The following CLK3 variants were observed in gnomAD, a reference collection of about 807,000 sequenced individuals.
CLK3 encodes the protein CDC like kinase 3.
CLK3 carries 24 observed loss-of-function variants against 65.2 expected under a neutral mutation model. The observed-to-expected ratio is 0.37, with a 90% CI of 0.27 to 0.52. The LOEUF (loss-of-function observed/expected upper bound fraction) is 0.52, where lower values mean the gene tolerates loss of function less well. CLK3 is among the 20% of genes least tolerant of loss of function. The pLI is 0.92. For missense variants in CLK3, 506 were observed against 660.0 expected, an observed-to-expected ratio of 0.77 and a Z score of 2.56; for synonymous variants, 252 against 240.8, an observed-to-expected ratio of 1.05 and a Z score of -0.43.
Position 74,619,181 on chromosome 15 carries a change from G to C in CLK3, c.1-16G>C. The C allele has an allele frequency of 1.2e-6, 2 of 1,613,340 alleles. No individual in the cohort carries two copies. The highest frequency in any genetic ancestry group is 1.7e-6 in the Non-Finnish European group (2 of 1,179,520). On this transcript the variant is annotated splice_polypyrimidine_tract_variant and intron_variant, in intron 1 of 12. Coordinates refer to ENST00000395066, the MANE Select transcript of CLK3 (RefSeq NM_001130028.2). ...GGCTGTGTGTTTAGCAGGGCTCTCT[G>C]TTCCTCGTGGCCTAGATGCATCACT...
In CLK3 at chr15:74,627,001, T is replaced by C. The variant is rs1252844539; in HGVS notation, c.818-351T>C. 3 of 476,574 alleles carry C rather than the reference T, an allele frequency of 6.3e-6. No individual in the cohort carries two copies. The highest frequency in any genetic ancestry group is 1.2e-5 in the Non-Finnish European group (3 of 241,656). The allele number at this position is 476,574 out of a possible 1,614,324, so 29.5% of individuals were successfully genotyped here. Reference sequence around the variant, plus strand: ...TCATTTTGCAAAGGGCCCTGCAAATTATGTAGCTGGTGCAGGGAAGAGGGA... The same window carrying C: ...TCATTTTGCAAAGGGCCCTGCAAATCATGTAGCTGGTGCAGGGAAGAGGGA... On this transcript the variant is annotated intron_variant, in intron 7 of 12. Transcript: ENST00000395066. The surrounding 1 kb of genome is among the most constrained non-coding windows in gnomAD (Gnocchi z 4.3).
chr15:74,628,182 G>A, intron 10 of CLK3, 130 bp downstream of exon 10: 2 of 706,526 alleles, frequency 2.8e-6, no homozygotes, highest in South Asian at 3.2e-5. Context: ...CATCATGTGA[G>A]ATTCAGACCC....
intron 2 of CLK3, 148 bp from the exon 3 acceptor site, chr15:74,619,861 C>A: frequency 1.5e-6 from 2 of 1,340,932 alleles, no homozygotes; most frequent in Non-Finnish European, 2.0e-6. Context: ...ACCTTTGCAC[C>A]CTCCCCTCTC....
chr15:74,629,852 C>G lies in CLK3; in HGVS notation c.1442C>G (p.Ser481Cys). The G allele has an allele frequency of 6.2e-7, 1 of 1,609,156 alleles. No homozygotes were observed. Among genetic ancestry groups the G allele is most frequent in the South Asian group, 1.1e-5 (1 of 90,370 alleles). ...FFAGLTPEER[S>C]FHTSRNPSR Reference sequence around the variant, plus strand: ...GCTGGCCTGACCCCTGAGGAGCGGTCCTTCCACACCAGCCGCAACCCAAGC... The same window carrying G: ...GCTGGCCTGACCCCTGAGGAGCGGTGCTTCCACACCAGCCGCAACCCAAGC... The change falls in exon 13 of 13, where the codon TCC (serine) becomes TGC (cysteine). Residue 481 changes from serine (S) to cysteine (C), a missense_variant. Physicochemically the swap from Ser to Cys is moderately radical, Grantham distance 112. Transcript: ENST00000395066.
chr15:74,609,625 C>G (rs2061961541), intron 1 of CLK3, among the ~76,000 whole-genome samples: 1 of 152,358 alleles, frequency 6.6e-6, no homozygotes, highest in East Asian at 1.9e-4. Flanking sequence ...AGCAACTGCT[C>G]CTGCAGACGG....
rs530100240 is a variant in CLK3 at position 74,619,952 on chromosome 15, C to T, written c.153-57C>T. On this transcript the variant is annotated intron_variant, in intron 2 of 12. Coordinates refer to ENST00000395066, the MANE Select transcript of CLK3 (RefSeq NM_001130028.2). ...TTTACAGTGGCCTTACCACAGGTCT[C>T]TTGCTTGCTAACAGCAAGGACCCAG... The T allele has an allele frequency of 1.2e-5, 20 of 1,610,448 alleles. No individual in the cohort carries two copies. The African/African-American group carries it at 1.9e-4, about 15-fold the overall frequency.
At chr15:74,628,821 T>C in intron 11 of CLK3, 121 bp from the exon 12 acceptor site, 1 of 998,188 alleles carries the variant, frequency 1.0e-6, no homozygotes, top group South Asian at 1.5e-5. Flanking sequence ...CTTCCCTGTG[T>C]GCCCCTGCAG....
rs756969145 is a variant in CLK3, at chr15:74,622,241, T to C, written c.466+25T>C. 4 of 1,599,514 alleles carry C rather than the reference T, an allele frequency of 2.5e-6. No individual in the cohort carries two copies. The highest frequency in any genetic ancestry group is 2.2e-5 in the South Asian group (2 of 90,610). Reference sequence around the variant, plus strand: ...TGTACAGCCACCTTTCGTAAAACTTTACCTCTCTACTTTCTACCCCCCTTG... The same window carrying C: ...TGTACAGCCACCTTTCGTAAAACTTCACCTCTCTACTTTCTACCCCCCTTG... On this transcript the variant is annotated intron_variant, in intron 4 of 12. Transcript: ENST00000395066. The surrounding 1 kb of genome is among the most constrained non-coding windows in gnomAD (Gnocchi z 4.6).
Position 74,621,792 on chromosome 15 carries a change from T to C in CLK3, c.370-328T>C. ...CGGGGCGATGGCTCTCCTCACAGCG[T>C]GGCCCTCAGCAGCAGAGGCAGGTCA... is the stretch of plus-strand genomic sequence containing the variant. On this transcript the variant is annotated intron_variant, in intron 3 of 12. Coordinates refer to ENST00000395066, the MANE Select transcript of CLK3 (RefSeq NM_001130028.2). The surrounding 1 kb of genome is among the most constrained non-coding windows in gnomAD (Gnocchi z 4.8). 2.7e-6 allele frequency: 1 copy of C among 375,328 alleles called. No homozygotes were observed. Among genetic ancestry groups the C allele is most frequent in the Non-Finnish European group, 5.2e-6 (1 of 190,536 alleles). The allele number at this position is 375,328 out of a possible 1,614,324, so 23.2% of individuals were successfully genotyped here.
Position 74,624,654 on chromosome 15 carries a change from C to G in CLK3, c.534-248C>G. On this transcript the variant is annotated intron_variant, in intron 5 of 12. Coordinates refer to ENST00000395066, the MANE Select transcript of CLK3 (RefSeq NM_001130028.2). This position sits in a 1 kb window ranked among gnomAD's most constrained non-coding sequence, Gnocchi z 4.2. ...ACACTCCTTTGGGAGCTGGCAGTGGCTGAGAACATAAAAGCCTAAGGATGG... is the reference window on the plus strand; with the variant it reads ...ACACTCCTTTGGGAGCTGGCAGTGGGTGAGAACATAAAAGCCTAAGGATGG... The G allele has an allele frequency of 1.8e-6, 1 of 556,326 alleles. No homozygotes were observed. The highest frequency in any genetic ancestry group is 3.2e-6 in the Non-Finnish European group (1 of 308,618). 34.5% of individuals were successfully genotyped at this position (556,326 alleles called of 1,614,324 possible).
intron 6 of CLK3, among the ~76,000 whole-genome samples, chr15:74,625,252 A>G (rs12594637): frequency 1.3e-5 from 2 of 152,170 alleles, no homozygotes; most frequent in Non-Finnish European, 2.9e-5. Context: ...TGGGGAGCTC[A>G]CTGGGTTATG....
At chr15:74,623,897 C>T (rs1202485294) in intron 5 of CLK3, 1 of 152,260 alleles carries the variant, frequency 6.6e-6, no homozygotes, top group South Asian at 2.1e-4. Flanking sequence ...TGATGAGCTC[C>T]CTGTGCTGAG....
chr15:74,624,760 G>A lies in CLK3; in HGVS notation c.534-142G>A. On this transcript the variant is annotated intron_variant, in intron 5 of 12. Transcript: ENST00000395066. The surrounding 1 kb of genome is among the most constrained non-coding windows in gnomAD (Gnocchi z 4.2). ...CAAAGGTCTGGTGTTGCATGGGGCAGGCTGGGCATCCAGTATCTGCTCTCT... is the reference window on the plus strand; with the variant it reads ...CAAAGGTCTGGTGTTGCATGGGGCAAGCTGGGCATCCAGTATCTGCTCTCT... 1.5e-6 allele frequency: 1 copy of A among 655,588 alleles called. No individual in the cohort carries two copies. The highest frequency in any genetic ancestry group is 2.8e-6 in the Non-Finnish European group (1 of 355,292). The allele number at this position is 655,588 out of a possible 1,614,324, so 40.6% of individuals were successfully genotyped here. A position where few individuals can be genotyped will look rare whatever the true frequency, so the allele number is the denominator to read the frequency against.
intron 6 of CLK3, 94 bp downstream of exon 6, chr15:74,625,112 C>A: frequency 1.2e-6 from 1 of 864,770 alleles, no homozygotes; most frequent in Non-Finnish European, 1.9e-6. Flanking sequence ...CGCACTGTGC[C>A]TTCTCCCCAC....
chr15:74,629,098 AC>A (rs749250534), intron 12 of CLK3, 66 bp downstream of exon 12: 1 of 1,195,810 alleles, frequency 8.4e-7, no homozygotes, highest in South Asian at 1.2e-5. Context: ...GGGCAGACAT[AC>A]AGCAGAGACA....
At chr15:74,629,518 G>A (rs910326517) in intron 12 of CLK3, 189 bp from the exon 13 acceptor site, 19 of 599,566 alleles carry the variant, frequency 3.2e-5, no homozygotes, top group South Asian at 1.6e-4. Flanking sequence ...GGCAAGTTCC[G>A]AGCAAAACGT....
chr15:74,622,307 C>T lies in CLK3; in HGVS notation c.466+91C>T, dbSNP rs777582245. 1.5e-4 allele frequency: 194 copies of T among 1,286,212 alleles called. No homozygotes were observed. The highest frequency in any genetic ancestry group is 1.9e-4 in the Non-Finnish European group (170 of 906,596). The allele number at this position is 1,286,212 out of a possible 1,614,324, so 79.7% of individuals were successfully genotyped here. A position where few individuals can be genotyped will look rare whatever the true frequency, so the allele number is the denominator to read the frequency against. ...CCTGCCTGGAGGGGCCTCTAGTGCG[C>T]GTGGTGCCTTAGCGGGGCCACCAGT... On this transcript the variant is annotated intron_variant, in intron 4 of 12. Transcript: ENST00000395066. The surrounding 1 kb of genome is among the most constrained non-coding windows in gnomAD (Gnocchi z 4.6).
intron 6 of CLK3, 97 bp downstream of exon 6, chr15:74,625,115 C>G: frequency 1.2e-6 from 1 of 843,282 alleles, no homozygotes; most frequent in Non-Finnish European, 2.0e-6. Flanking sequence ...ACTGTGCCTT[C>G]TCCCCACACT....
chr15:74,616,406 C>G (rs1388394536), intron 1 of CLK3, among the ~76,000 whole-genome samples: 1 of 152,356 alleles, frequency 6.6e-6, no homozygotes, highest in Middle Eastern at 3.4e-3. Context: ...CAGGAAGGGA[C>G]GCGAACGAGG....
Sources: allele counts gnomAD v4.1 joint callset (sites outside exome capture counted in the v4.1 genomes callset), GRCh38; gene constraint gnomAD v4.1.1; non-coding constraint Gnocchi (gnomAD v3.1); transcripts MANE v1.5; gene names NCBI Gene and HGNC (gene_info 2026-07-23, HGNC 2026-07-21).